STK32B: variants seen among roughly 807,000 people sequenced by gnomAD.
STK32B encodes serine/threonine kinase 32B, also known as serine/threonine-protein kinase 32B.
Under a neutral mutation model 52.6 loss-of-function variants are expected in STK32B, and 43 were observed. That is an observed-to-expected ratio of 0.82 (90% CI 0.64 to 1.05). The LOEUF is 1.05. Among genes scored for constraint, STK32B ranks in the 50% least tolerant of loss-of-function variants. The pLI, the probability that STK32B is intolerant of heterozygous loss-of-function variation, is 0.00. For synonymous variants in STK32B, 238 were observed against 204.3 expected (o/e 1.17, Z -1.41); for missense variants, 621 against 534.6 (o/e 1.16, Z -1.59).
intron 2 of STK32B, among the ~76,000 whole-genome samples, chr4:5,159,044 A>G (rs998984): frequency 0.15 from 23,181 of 152,106 alleles, 2,237 homozygotes; most frequent in Non-Finnish European, 0.21. Flanking sequence ...CAGCTGTACA[A>G]TGTTGCAAGT....
chr4:5,435,979 T>G (rs1714033417), intron 6 of STK32B: 1 of 152,062 alleles, frequency 6.6e-6, no homozygotes, highest in East Asian at 1.9e-4. Context: ...CTTCTGTGAG[T>G]TGGGAAAGAG....
At chr4:5,374,780 G>T (rs760885839) in intron 4 of STK32B, among the ~76,000 whole-genome samples, 6 of 137,784 alleles carry the variant, frequency 4.4e-5, no homozygotes, top group South Asian at 4.8e-4. Context: ...TGACGGGGGC[G>T]GGGGGGGAAC....
intron 9 of STK32B, among the ~76,000 whole-genome samples, chr4:5,461,480 T>C (rs1262523770): frequency 6.6e-6 from 1 of 152,190 alleles, no homozygotes; most frequent in East Asian, 1.9e-4. Context: ...CCAGACCTTT[T>C]TCACAAACCG....
At chr4:5,084,146 T>C (rs529341371) in intron 1 of STK32B, among the ~76,000 whole-genome samples, 1 of 152,242 alleles carries the variant, frequency 6.6e-6, no homozygotes, top group Non-Finnish European at 1.5e-5. Flanking sequence ...TTTTCTTGGA[T>C]AGCTCATATT....
At chr4:5,401,322 G>C (rs1225668050) in intron 5 of STK32B, among the ~76,000 whole-genome samples, 1 of 152,112 alleles carries the variant, frequency 6.6e-6, no homozygotes. Context: ...ACTGTGTATT[G>C]CTATTTCAAG....
At chr4:5,171,132 T>G (rs1397925067) in intron 3 of STK32B, among the ~76,000 whole-genome samples, 3 of 152,092 alleles carry the variant, frequency 2.0e-5, no homozygotes, top group African/African-American at 7.2e-5. Flanking sequence ...TTCATATCCT[T>G]TGCCCACTTT....
At chr4:5,251,971 A>C (rs1466510893) in intron 3 of STK32B, among the ~76,000 whole-genome samples, 1 of 152,182 alleles carries the variant, frequency 6.6e-6, no homozygotes, top group Non-Finnish European at 1.5e-5. Context: ...GCAACTTGAG[A>C]AGGTACAGTT....
intron 3 of STK32B, among the ~76,000 whole-genome samples, chr4:5,226,239 T>A (rs546760194): frequency 1.2e-4 from 19 of 152,322 alleles, no homozygotes; most frequent in African/African-American, 3.8e-4. Context: ...TTTTTGCAGA[T>A]GCCATTATTT....
chr4:5,190,845 T>C (rs1000968611), intron 3 of STK32B, among the ~76,000 whole-genome samples: 2 of 152,008 alleles, frequency 1.3e-5, no homozygotes, highest in African/African-American at 4.8e-5. Flanking sequence ...GGTACTATTA[T>C]AGATGGGGAA....
At chr4:5,275,326 C>T (rs534619286) in intron 3 of STK32B, among the ~76,000 whole-genome samples, 2 of 152,312 alleles carry the variant, frequency 1.3e-5, no homozygotes, top group Admixed American at 1.3e-4. Context: ...TTTGGCAGAT[C>T]TTATTTTATG....
intron 6 of STK32B, among the ~76,000 whole-genome samples, chr4:5,422,138 AT>A (rs1712697659): frequency 6.6e-6 from 1 of 152,198 alleles, no homozygotes; most frequent in African/African-American, 2.4e-5. Context: ...TACAGAAGAG[AT>A]TTTTATAGGC....
At chr4:5,462,029 A>C (rs936996987) in intron 9 of STK32B, among the ~76,000 whole-genome samples, 4 of 151,860 alleles carry the variant, frequency 2.6e-5, no homozygotes, top group Admixed American at 6.6e-5. Flanking sequence ...CTCCCAATAT[A>C]ATTATTTTAG....
At chr4:5,251,239 G>C (rs1725907533) in intron 3 of STK32B, among the ~76,000 whole-genome samples, 1 of 152,118 alleles carries the variant, frequency 6.6e-6, no homozygotes, top group Non-Finnish European at 1.5e-5. Context: ...TTTGTATATG[G>C]TGTAAGGAAA....
intron 6 of STK32B, among the ~76,000 whole-genome samples, chr4:5,442,382 C>G (rs1455805145): frequency 1.3e-5 from 2 of 151,948 alleles, no homozygotes; most frequent in Non-Finnish European, 1.5e-5. Context: ...CTCTTTTGAT[C>G]TTTGTTGGTT....
At chr4:5,280,770 G>C (rs1001041316) in intron 3 of STK32B, among the ~76,000 whole-genome samples, 1 of 151,944 alleles carries the variant, frequency 6.6e-6, no homozygotes, top group Non-Finnish European at 1.5e-5. Context: ...ATGGTGGTGG[G>C]TGCCTGTAAT....
intron 1 of STK32B, among the ~76,000 whole-genome samples, chr4:5,125,788 C>T (rs1452773685): frequency 6.6e-6 from 1 of 152,234 alleles, no homozygotes; most frequent in South Asian, 2.1e-4. Flanking sequence ...CTCCCCAACT[C>T]CTTGCTTCAA....
chr4:5,443,689 G>A (rs1229071244), intron 6 of STK32B, among the ~76,000 whole-genome samples: 4 of 151,372 alleles, frequency 2.6e-5, no homozygotes, highest in Admixed American at 6.6e-5. Flanking sequence ...GCTTTTTAGA[G>A]TTTCCAGTTT....
Position 5,127,772 on chromosome 4 carries a change from G to A in STK32B, c.53-12133G>A, listed in dbSNP as rs371288330. Among the ~76,000 whole-genome samples, 47 of 152,238 alleles carry A rather than the reference G, an allele frequency of 3.1e-4. No homozygotes were observed. The East Asian group carries it at 6.0e-3, about 19-fold the overall frequency. ...GTTTGGCTGTGTTCCCACCCAAATC[G>A]CATCTTGAATTATAGCTCCCATACT... is the stretch of plus-strand genomic sequence containing the variant. On this transcript the variant is annotated intron_variant, in intron 1 of 11. Transcript: ENST00000282908.
intron 8 of STK32B, chr4:5,458,527 T>C (rs1484855542): frequency 1.3e-5 from 2 of 152,130 alleles, no homozygotes; most frequent in African/African-American, 4.8e-5. Context: ...AGAAGCAGGA[T>C]TTTGATCCAA....
Sources: gnomAD v4.1 joint callset for allele counts (sites outside exome capture counted in the v4.1 genomes callset) on GRCh38, gnomAD v4.1.1 for gene constraint, MANE v1.5 for transcripts, NCBI Gene and HGNC (gene_info 2026-07-23, HGNC 2026-07-21) for gene names.